The following SYK variants were observed in gnomAD, a reference collection of about 807,000 sequenced individuals.
SYK encodes spleen associated tyrosine kinase.
Under a neutral mutation model 77.8 loss-of-function variants are expected in SYK, and 16 were observed. The observed-to-expected ratio is 0.21, with a 90% CI of 0.14 to 0.31. SYK has a LOEUF of 0.31. SYK is among the 10% of genes least tolerant of loss of function. The pLI is 1.00. For missense variants in SYK, 529 were observed against 814.4 expected (o/e 0.65, Z 4.26); for synonymous variants, 312 against 308.7 (o/e 1.01, Z -0.11).
chr9:90,807,288 G>A (rs536890802), intron 1 of SYK, among the ~76,000 whole-genome samples: 167 of 152,314 alleles, frequency 1.1e-3, no homozygotes, highest in Non-Finnish European at 2.1e-3. Flanking sequence ...TTGCTTGGTA[G>A]AGGCAGAATG....
intron 7 of SYK, 93 bp downstream of exon 7, chr9:90,867,292 G>A: frequency 1.6e-6 from 2 of 1,282,154 alleles, no homozygotes; most frequent in Non-Finnish European, 2.3e-6. Flanking sequence ...TGTGTGCGCT[G>A]CCCCCCATCT....
chr9:90,851,624 G>A (rs571501668), intron 3 of SYK, among the ~76,000 whole-genome samples: 10 of 152,290 alleles, frequency 6.6e-5, no homozygotes, highest in East Asian at 1.9e-4. Flanking sequence ...TGTTGGTGAC[G>A]TCAGGGACCA....
At chr9:90,824,500 C>T (rs1014779580) in intron 1 of SYK, among the ~76,000 whole-genome samples, 3 of 152,040 alleles carry the variant, frequency 2.0e-5, no homozygotes, top group Admixed American at 6.5e-5. Flanking sequence ...AACCCAACAA[C>T]GTATGAAAAG....
At chr9:90,801,918 C>A in intron 1 of SYK, 25 bp downstream of exon 1, 1 of 152,522 alleles carries the variant, frequency 6.6e-6, no homozygotes, top group South Asian at 2.0e-4. Context: ...GTCCCCTACC[C>A]GGCCGGGACT....
At chr9:90,865,962 G>A (rs898512159) in intron 6 of SYK, among the ~76,000 whole-genome samples, 3 of 138,076 alleles carry the variant, frequency 2.2e-5, no homozygotes, top group South Asian at 2.4e-4. Flanking sequence ...GCAGTGGCGC[G>A]ATCTCAGCTC....
intron 11 of SYK, among the ~76,000 whole-genome samples, chr9:90,887,164 C>T (rs923728285): frequency 5.3e-5 from 8 of 152,186 alleles, no homozygotes; most frequent in African/African-American, 1.9e-4. Context: ...CTTAGGTTCC[C>T]TGCCTCCAGG....
chr9:90,878,654 T>C (rs1236886290), intron 10 of SYK, 110 bp from the exon 11 acceptor site: 8 of 883,138 alleles, frequency 9.1e-6, no homozygotes, highest in Non-Finnish European at 1.4e-5. Context: ...TTTTGTTGTT[T>C]AAGAAGAGGG....
intron 3 of SYK, among the ~76,000 whole-genome samples, chr9:90,851,971 C>T (rs565440824): frequency 6.8e-4 from 104 of 152,194 alleles, no homozygotes; most frequent in Non-Finnish European, 1.4e-3. Context: ...TACAAGCATA[C>T]AAACTTTAGA....
At chr9:90,816,869 A>G (rs996047236) in intron 1 of SYK, among the ~76,000 whole-genome samples, 3 of 152,082 alleles carry the variant, frequency 2.0e-5, no homozygotes, top group Non-Finnish European at 4.4e-5. Flanking sequence ...AAACAATAGG[A>G]TTTCCTTCTT....
chr9:90,852,101 T>C (rs1305925030), intron 3 of SYK, among the ~76,000 whole-genome samples: 1 of 152,234 alleles, frequency 6.6e-6, no homozygotes, highest in Non-Finnish European at 1.5e-5. Context: ...TTTAATAATA[T>C]ATTTGTCTAT....
Position 90,837,025 on chromosome 9 carries a change from G to GTGAGT in SYK, c.-41-6832_-41-6831insGAGTT, listed in dbSNP as rs1213174728. ...TAGCTTACCTCACTATAAGAATATA[G>GTGAGT]TATATGATACATATAACATGCAAAA... is the stretch of plus-strand genomic sequence containing the variant. On this transcript the variant is annotated intron_variant, in intron 1 of 13. Transcript: ENST00000375754. 1.3e-3 allele frequency among the ~76,000 whole-genome samples: 197 copies of GTGAGT among 152,198 alleles called. 1 individual carries two copies. The highest frequency in any genetic ancestry group is 4.5e-3 in the African/African-American group (185 of 41,502).
chr9:90,809,634 C>A (rs930743591), intron 1 of SYK, among the ~76,000 whole-genome samples: 14 of 152,208 alleles, frequency 9.2e-5, no homozygotes, highest in Non-Finnish European at 2.1e-4. Flanking sequence ...GACACAATCC[C>A]AAACCAATGA....
intron 11 of SYK, among the ~76,000 whole-genome samples, chr9:90,883,695 C>G (rs971700065): frequency 3.9e-5 from 6 of 152,100 alleles, no homozygotes; most frequent in Non-Finnish European, 7.4e-5. Context: ...GCATGACATC[C>G]TGTTGCAGCC....
At chr9:90,853,592 A>G (rs1826902820) in intron 3 of SYK, among the ~76,000 whole-genome samples, 1 of 152,168 alleles carries the variant, frequency 6.6e-6, no homozygotes, top group South Asian at 2.1e-4. Flanking sequence ...GAAATTGGAA[A>G]TCATCATTCT....
chr9:90,886,186 T>C (rs1322291312), intron 11 of SYK, among the ~76,000 whole-genome samples: 1 of 152,096 alleles, frequency 6.6e-6, no homozygotes, highest in Non-Finnish European at 1.5e-5. Flanking sequence ...GATATACAAA[T>C]GGCCAACAGG....
chr9:90,880,445 A>T (rs897988767), intron 11 of SYK, among the ~76,000 whole-genome samples: 5 of 152,220 alleles, frequency 3.3e-5, no homozygotes, highest in African/African-American at 1.2e-4. Context: ...GAAAGGCATC[A>T]GCATGGGCCT....
chr9:90,805,919 G>A (rs1315355897), intron 1 of SYK, among the ~76,000 whole-genome samples: 1 of 152,128 alleles, frequency 6.6e-6, no homozygotes, highest in Non-Finnish European at 1.5e-5. Flanking sequence ...AACAGTGTTT[G>A]TTGACACTGA....
chr9:90,854,717 C>T (rs138723562), intron 3 of SYK, among the ~76,000 whole-genome samples: 1 of 152,088 alleles, frequency 6.6e-6, no homozygotes, highest in Non-Finnish European at 1.5e-5. Flanking sequence ...GGTAGTCACC[C>T]CTTCCCAACC....
At chr9:90,810,880 G>A (rs2042983) in intron 1 of SYK, among the ~76,000 whole-genome samples, 36,401 of 152,048 alleles carry the variant, frequency 0.24, 4,443 homozygotes, top group Middle Eastern at 0.36. Flanking sequence ...TAATATGCAG[G>A]CATGGGTCCA....
Sources: allele counts gnomAD v4.1 joint callset (sites outside exome capture counted in the v4.1 genomes callset), GRCh38; gene constraint gnomAD v4.1.1; transcripts MANE v1.5; gene names NCBI Gene and HGNC (gene_info 2026-07-23, HGNC 2026-07-21).